Variants in SPEG observed in about 807,000 individuals in gnomAD.
The protein encoded by SPEG is striated muscle enriched protein kinase.
SPEG carries 114 observed loss-of-function variants against 300.4 expected under a neutral mutation model. The ratio of observed to expected loss-of-function variants is 0.38; its 90% CI spans 0.33 to 0.44. The LOEUF (loss-of-function observed/expected upper bound fraction) is 0.44, where lower values mean the gene tolerates loss of function less well. SPEG is among the 20% of genes least tolerant of loss of function. The pLI is 1.00. For synonymous variants in SPEG, 1,964 were observed against 2,018.9 expected (o/e 0.97, Z 0.73); for missense variants, 4,201 against 4,586.2 (o/e 0.92, Z 2.43).
chr2:219,473,861 C>T lies in SPEG; in HGVS notation c.4405C>T (p.Arg1469Cys), dbSNP rs748200228. 3.2e-5 allele frequency: 51 copies of T among 1,613,530 alleles called. No individual in the cohort carries two copies. The Admixed American group carries it at 3.7e-4, about 12-fold the overall frequency. The change falls in exon 18 of 41, where the codon CGT becomes TGT. Residue 1469 changes from arginine to cysteine, a missense_variant. Physicochemically the swap from Arg to Cys is radical, Grantham distance 180. This residue lies in a region of SPEG where 1,047 missense variants were observed against 1,356.8 expected (regional missense o/e 0.77). Transcript: ENST00000312358. This position sits in a 1 kb window ranked among gnomAD's most constrained non-coding sequence, Gnocchi z 4.6. ...GGCCCTCACCTGCACCGCCCGAAAC[C>T]GTCACGGCACACAGACCTGCTCGGT... ...MGALTCTARN[R>C]HGTQTCSVTL...
At position 219,480,669 on chromosome 2, in the gene SPEG, A is replaced by C. The variant is rs1692756458; in HGVS notation, c.5343-2A>C. The C allele has an allele frequency of 6.2e-7, 1 of 1,613,678 alleles. No individual in the cohort carries two copies. The highest frequency in any genetic ancestry group is 8.5e-7 in the Non-Finnish European group (1 of 1,179,844). Reference sequence around the variant, plus strand: ...TTACCTATCACTCTCCTTTTCCCACAGGCCTGTGGGTGTTGTTGCCTTCCT... The same window carrying C: ...TTACCTATCACTCTCCTTTTCCCACCGGCCTGTGGGTGTTGTTGCCTTCCT... On this transcript the variant is annotated splice_acceptor_variant, in intron 25 of 40. Transcript: ENST00000312358. LOFTEE classifies it high-confidence loss of function. The surrounding 1 kb of genome is among the most constrained non-coding windows in gnomAD (Gnocchi z 5.3).
Position 219,464,144 on chromosome 2 carries a change from A to G in SPEG, c.2706-289A>G, listed in dbSNP as rs1410994854. 6.6e-6 allele frequency among the ~76,000 whole-genome samples: 1 copy of G among 151,410 alleles called. No homozygotes were observed. Among genetic ancestry groups the G allele is most frequent in the Non-Finnish European group, 1.5e-5 (1 of 67,894 alleles). The stretch of plus-strand genomic sequence containing the variant: ...TTTAAAAAAAAAAAAAAAAGACAAG[A>G]AAAAAGAGCTAAATAGCACGGCTCC... On this transcript the variant is annotated intron_variant, in intron 8 of 40. Transcript: ENST00000312358. This position sits in a 1 kb window ranked among gnomAD's most constrained non-coding sequence, Gnocchi z 4.5.
chr2:219,476,753 G>C (rs574378987), intron 18 of SPEG, 117 bp from the exon 19 acceptor site: 2 of 731,746 alleles, frequency 2.7e-6, no homozygotes, highest in Admixed American at 4.9e-5. Flanking sequence ...GGGAGGCGGG[G>C]GTCTAGCGTT....
rs1691878550 is a variant in SPEG at position 219,471,589 on chromosome 2, G to A, written c.3716-279G>A. 15 of 475,906 alleles carry A rather than the reference G, an allele frequency of 3.2e-5. No homozygotes were observed. The South Asian group carries it at 3.4e-4, about 11-fold the overall frequency. 29.5% of individuals were successfully genotyped at this position (475,906 alleles called of 1,614,324 possible). A position where few individuals can be genotyped will look rare whatever the true frequency, so the allele number is the denominator to read the frequency against. On this transcript the variant is annotated intron_variant, in intron 13 of 40. Coordinates refer to ENST00000312358, the MANE Select transcript of SPEG (RefSeq NM_005876.5). The stretch of plus-strand genomic sequence containing the variant: ...CCCCAGAGGGTGGCCCAGTGTAGGA[G>A]GAAGAGAAGATGATAAGTTGCCTGG...
intron 6 of SPEG, 109 bp from the exon 7 acceptor site, chr2:219,461,772 CG>C: frequency 8.4e-7 from 1 of 1,196,822 alleles, no homozygotes; most frequent in Non-Finnish European, 1.2e-6. Flanking sequence ...AGGGCAGGGC[CG>C]GCCTGCGGGG....
In SPEG at chr2:219,445,373, G is replaced by A. The variant is rs1204002551; in HGVS notation, c.815+212G>A. Among the ~76,000 whole-genome samples the A allele has an allele frequency of 6.6e-6, 1 of 151,944 alleles. No homozygotes were observed. Among genetic ancestry groups the A allele is most frequent in the Non-Finnish European group, 1.5e-5 (1 of 67,988 alleles). ...CATCCCCCTGCTCCCACCTGTCCTG[G>A]CTCACCATGCCATCTCCATGGTCTC... On this transcript the variant is annotated intron_variant, in intron 3 of 40. Transcript: ENST00000312358. This position sits in a 1 kb window ranked among gnomAD's most constrained non-coding sequence, Gnocchi z 6.1.
intron 3 of SPEG, among the ~76,000 whole-genome samples, chr2:219,446,234 A>G (rs1040875239): frequency 3.3e-5 from 5 of 152,038 alleles, no homozygotes; most frequent in African/African-American, 4.8e-5. Context: ...TGTGCCCTGG[A>G]CTTGCCTTTC....
chr2:219,451,449 C>A lies in SPEG; in HGVS notation c.2257+170C>A, dbSNP rs1689739602. On this transcript the variant is annotated intron_variant, in intron 5 of 40. Coordinates refer to ENST00000312358, the MANE Select transcript of SPEG (RefSeq NM_005876.5). The surrounding 1 kb of genome is among the most constrained non-coding windows in gnomAD (Gnocchi z 6.4). ...GTGTGTTCAGGGACATTTCTCAGGA[C>A]CCCCGAGAGAAGGGAGGGCAACCTG... 6.6e-6 allele frequency among the ~76,000 whole-genome samples: 1 copy of A among 151,996 alleles called. No individual in the cohort carries two copies. The highest frequency in any genetic ancestry group is 1.5e-5 in the Non-Finnish European group (1 of 67,980).
intron 1 of SPEG, among the ~76,000 whole-genome samples, chr2:219,437,105 GT>G (rs1423330695): frequency 6.6e-6 from 1 of 152,188 alleles, no homozygotes; most frequent in African/African-American, 2.4e-5. Flanking sequence ...TACTAGTCTA[GT>G]TAGAGACATA....
At position 219,471,937 on chromosome 2, in the gene SPEG, T is replaced by C; in HGVS notation, c.3785T>C (p.Ile1262Thr). 1 of 1,613,936 alleles carries C rather than the reference T, an allele frequency of 6.2e-7. No individual in the cohort carries two copies. The highest frequency in any genetic ancestry group is 8.5e-7 in the Non-Finnish European group (1 of 1,179,990). ...CACGCCGGTGTCTACAAGAGCGTCA[T>C]TGCCAACAAGCTGGGCAAAGCTGCC... is the stretch of plus-strand genomic sequence containing the variant. ...PQHAGVYKSV[I>T]ANKLGKAACY... is the part of the protein sequence containing the mutation. Residue 1262 changes from isoleucine (I) to threonine (T), a missense_variant, in exon 14 of 41, where the codon ATT becomes ACT. This residue lies in a region of SPEG where 1,047 missense variants were observed against 1,356.8 expected (regional missense o/e 0.77). Coordinates refer to ENST00000312358, the MANE Select transcript of SPEG (RefSeq NM_005876.5).
At chr2:219,442,830 C>G (rs577761433) in intron 1 of SPEG, among the ~76,000 whole-genome samples, 13 of 152,166 alleles carry the variant, frequency 8.5e-5, no homozygotes, top group African/African-American at 3.1e-4. Flanking sequence ...CTGTGAGCCT[C>G]TGTCCAGTGG....
chr2:219,483,406 T>C lies in SPEG; in HGVS notation c.5943T>C (p.Ser1981=), dbSNP rs1559418467. 6.3e-7 allele frequency: 1 copy of C among 1,589,044 alleles called. No homozygotes were observed. The part of the protein sequence containing the change: ...MDWQEQGRAP[S]QDQEAPSPEA... ...GGCAGGAGCAGGGAAGGGCTCCCTC[T>C]CAGGACCAGGAGGCTCCCAGCCCAG... is the stretch of plus-strand genomic sequence containing the variant. Residue 1981 remains serine, a synonymous_variant, in exon 30 of 41, where the codon TCT becomes TCC. Coordinates refer to ENST00000312358, the MANE Select transcript of SPEG (RefSeq NM_005876.5).
intron 39 of SPEG, 71 bp from the exon 40 acceptor site, chr2:219,492,040 A>G (rs1694022523): frequency 6.5e-7 from 1 of 1,527,056 alleles, no homozygotes; most frequent in African/African-American, 1.4e-5. Context: ...TGCACCTGAC[A>G]CTAATGTCCT....
intron 9 of SPEG, chr2:219,466,531 G>T: frequency 9.3e-7 from 1 of 1,077,842 alleles, no homozygotes; most frequent in Non-Finnish European, 1.1e-6. Flanking sequence ...AGGAGCAGGG[G>T]CTGTTGACAA....
chr2:219,447,245 A>C, intron 3 of SPEG, among the ~76,000 whole-genome samples: 1 of 147,392 alleles, frequency 6.8e-6, no homozygotes. Context: ...CTCAGGGGGG[A>C]TTTCTAAGGA....
chr2:219,462,425 A>G (rs2125405734), intron 8 of SPEG, 39 bp downstream of exon 8: 12 of 1,502,016 alleles, frequency 8.0e-6, no homozygotes, highest in East Asian at 2.5e-5. Flanking sequence ...CAGCGACTCT[A>G]TGCCAGGCCT....
chr2:219,469,415 G>A (rs776492709), intron 13 of SPEG, 36 bp downstream of exon 13: 1 of 1,542,474 alleles, frequency 6.5e-7, no homozygotes, highest in Non-Finnish European at 8.9e-7. Context: ...AGTGTCCCCT[G>A]CAGCACCCAC....
At position 219,473,884 on chromosome 2, in the gene SPEG, G is replaced by A. The variant is rs775881433; in HGVS notation, c.4428G>A (p.Ser1476=). The change falls in exon 18 of 41, where the codon TCG becomes TCA. Residue 1476 remains serine, a synonymous_variant. Coordinates refer to ENST00000312358, the MANE Select transcript of SPEG (RefSeq NM_005876.5). This position sits in a 1 kb window ranked among gnomAD's most constrained non-coding sequence, Gnocchi z 4.6. The part of the protein sequence containing the change: ...ARNRHGTQTC[S]VTLELAEAPR... ...ACCGTCACGGCACACAGACCTGCTC[G>A]GTCACATTGGAGCTGGCAGGTGGGT... 19 of 1,610,956 alleles carry A rather than the reference G, an allele frequency of 1.2e-5. No individual in the cohort carries two copies. In the African/African-American group the frequency reaches 1.3e-4, roughly 11 times the overall value.
intron 15 of SPEG, 142 bp downstream of exon 15, chr2:219,472,473 C>G: frequency 1.4e-6 from 1 of 717,978 alleles, no homozygotes; most frequent in East Asian, 2.7e-5. Context: ...CAGCTTTGCC[C>G]GTCTTCTCTC....
Sources: gnomAD v4.1 joint callset for allele counts (sites outside exome capture counted in the v4.1 genomes callset) on GRCh38, gnomAD v4.1.1 for gene constraint, gnomAD v4.1.1 regional missense constraint, Gnocchi (gnomAD v3.1) non-coding constraint, MANE v1.5 for transcripts, NCBI Gene and HGNC (gene_info 2026-07-23, HGNC 2026-07-21) for gene names.